PLA2G4F: variants seen among roughly 807,000 people sequenced by gnomAD.
PLA2G4F encodes cytosolic phospholipase A2 zeta.
In PLA2G4F, 105 loss-of-function variants were observed where a neutral mutation model predicts 103.1. The observed-to-expected ratio is 1.02, with a 90% confidence interval of 0.87 to 1.20. The LOEUF (loss-of-function observed/expected upper bound fraction) is 1.20. Among genes scored for constraint, PLA2G4F ranks in the 50% most tolerant of loss-of-function variants. The pLI is 0.00. For synonymous variants in PLA2G4F, 468 were observed against 441.1 expected (o/e 1.06, Z -0.76); for missense variants, 1,155 against 1,075.9 (o/e 1.07, Z -1.03).
At position 42,154,444 on chromosome 15, in the gene PLA2G4F, A is replaced by C. The variant is rs756648535; in HGVS notation, c.199T>G (p.Cys67Gly). 4 of 1,597,314 alleles carry C rather than the reference A, an allele frequency of 2.5e-6. No homozygotes were observed. In the African/African-American group the frequency reaches 5.4e-5, roughly 21 times the overall value. ...RGTDLLSKAD[C>G]YVQLWLPTAS... ...GTGGGCAGCCACAGTTGCACATAGC[A>C]GTCGGCTTTGGACACTGCAGGTAGG... The change falls in exon 3 of 20, where the codon TGC becomes GGC. Residue 67 changes from cysteine to glycine, a missense_variant. By Grantham distance (159) the Cys-to-Gly change is radical. This residue lies in a region of PLA2G4F where 370 missense variants were observed against 364.9 expected (regional missense o/e 1.01). Coordinates refer to ENST00000397272, the MANE Select transcript of PLA2G4F (RefSeq NM_213600.4).
intron 11 of PLA2G4F, chr15:42,148,894 CAG>C: frequency 1.0e-6 from 1 of 985,422 alleles, no homozygotes; most frequent in Non-Finnish European, 1.2e-6. Context: ...CTGGATGAGA[CAG>C]AGCAGACACC....
chr15:42,151,712 T>C (rs2048964256), intron 7 of PLA2G4F: 1 of 917,750 alleles, frequency 1.1e-6, no homozygotes, highest in Admixed American at 6.2e-5. Flanking sequence ...CCAAGGCCTA[T>C]GGACTGAGAT....
In PLA2G4F at chr15:42,139,930, T is replaced by C. The variant is rs2048814315; in HGVS notation, c.*2054A>G. The C allele has an allele frequency of 6.6e-6, 1 of 152,292 alleles. No homozygotes were observed. Among genetic ancestry groups the C allele is most frequent in the African/African-American group, 2.4e-5 (1 of 41,450 alleles). 9.4% of individuals were successfully genotyped at this position (152,292 alleles called of 1,614,324 possible). ...CTGCACAAGCCCACGTTTGCCTCCT[T>C]CACAAGCCTTGCTGGCCTGCGGGGA... On this transcript the variant is annotated 3_prime_UTR_variant, in exon 20 of 20. Transcript: ENST00000397272.
At chr15:42,143,937 C>T (rs1325974294) in intron 18 of PLA2G4F, 41 bp downstream of exon 18, 2 of 1,551,370 alleles carry the variant, frequency 1.3e-6, no homozygotes, top group Non-Finnish European at 1.8e-6. Flanking sequence ...TTTCTGTCCA[C>T]TCACTGCAGG....
chr15:42,153,404 CATA>C, intron 5 of PLA2G4F, 62 bp from the exon 6 acceptor site: 6 of 1,575,816 alleles, frequency 3.8e-6, no homozygotes, highest in Non-Finnish European at 4.4e-6. Context: ...CCTCTACAAT[CATA>C]ATGTGACTGA....
chr15:42,152,519 T>C (rs1296020028), intron 7 of PLA2G4F, among the ~76,000 whole-genome samples, 169 bp downstream of exon 7: 1 of 152,218 alleles, frequency 6.6e-6, no homozygotes, highest in Non-Finnish European at 1.5e-5. Flanking sequence ...CTCGAACACT[T>C]CCAGGGACAG....
At chr15:42,150,305 C>T in intron 9 of PLA2G4F, 68 bp downstream of exon 9, 1 of 1,542,964 alleles carries the variant, frequency 6.5e-7, no homozygotes, top group African/African-American at 1.4e-5. Flanking sequence ...TGGGTCCCTC[C>T]TCCAGACCTC....
At chr15:42,155,484 G>A in intron 2 of PLA2G4F, 33 bp downstream of exon 2, 1 of 1,609,958 alleles carries the variant, frequency 6.2e-7, no homozygotes, top group Non-Finnish European at 8.5e-7. Context: ...GCAGGGAAAG[G>A]ACAGAGAGAA....
Position 42,144,462 on chromosome 15 carries a change from C to T in PLA2G4F, c.1963G>A (p.Val655Met), listed in dbSNP as rs747399244. 1.6e-5 allele frequency: 26 copies of T among 1,612,062 alleles called. No homozygotes were observed. The highest frequency in any genetic ancestry group is 1.9e-5 in the Non-Finnish European group (23 of 1,180,022). The stretch of plus-strand genomic sequence containing the variant: ...AGGCAGCACCCACCTTTCCAGGCCA[C>T]GAACTCCCTGCCAGCCACATAGTCC... Reference protein sequence around the residue: ...HKDYVAGREFVAWKDTHPDAF... With the variant: ...HKDYVAGREFMAWKDTHPDAF... The change falls in exon 17 of 20, where the codon GTG becomes ATG. Residue 655 changes from valine (V) to methionine (M), a missense_variant. Physicochemically the swap from Val to Met is conservative, Grantham distance 21. This residue lies in a region of PLA2G4F where 782 missense variants were observed against 692.9 expected (regional missense o/e 1.13). Coordinates refer to ENST00000397272, the MANE Select transcript of PLA2G4F (RefSeq NM_213600.4).
rs1018638819 is a variant in PLA2G4F at position 42,146,021 on chromosome 15, G to A, written c.1534+106C>T. ...AAGCAGCAGCCCCGCTGTGCTCCAAGGTGCCTGTGTGCAACCACCTCCTCT... is the reference window on the plus strand; with the variant it reads ...AAGCAGCAGCCCCGCTGTGCTCCAAAGTGCCTGTGTGCAACCACCTCCTCT... On this transcript the variant is annotated intron_variant, in intron 14 of 19. Coordinates refer to ENST00000397272, the MANE Select transcript of PLA2G4F (RefSeq NM_213600.4). 19 of 1,585,060 alleles carry A rather than the reference G, an allele frequency of 1.2e-5. No homozygotes were observed. In the Admixed American group the frequency reaches 1.9e-4, roughly 16 times the overall value.
intron 10 of PLA2G4F, 33 bp from the exon 11 acceptor site, chr15:42,149,881 G>T (rs1288072208): frequency 3.1e-6 from 5 of 1,608,210 alleles, no homozygotes; most frequent in Admixed American, 3.3e-5. Context: ...GCGGTGGGGG[G>T]TTCTGGGTGA....
intron 12 of PLA2G4F, 46 bp from the exon 13 acceptor site, chr15:42,147,392 C>T (rs1169575133): frequency 1.4e-5 from 22 of 1,554,840 alleles, no homozygotes; most frequent in Non-Finnish European, 1.8e-5. Flanking sequence ...AGAGCACAGC[C>T]ACGGGAGAGA....
At chr15:42,147,833 T>C in intron 11 of PLA2G4F, 71 bp from the exon 12 acceptor site, 1 of 1,578,922 alleles carries the variant, frequency 6.3e-7, no homozygotes, top group Non-Finnish European at 8.6e-7. Flanking sequence ...CCTATACATG[T>C]AGGACATTAT....
At chr15:42,154,626 T>C in intron 2 of PLA2G4F, 168 bp from the exon 3 acceptor site, 1 of 679,910 alleles carries the variant, frequency 1.5e-6, no homozygotes, top group African/African-American at 1.8e-5. Flanking sequence ...TTTCACTCCA[T>C]CTTGATTCCA....
In PLA2G4F at chr15:42,144,450, C is replaced by A; in HGVS notation, c.1975G>T (p.Asp659Tyr). 1.2e-6 allele frequency: 2 copies of A among 1,612,118 alleles called. No homozygotes were observed. Among genetic ancestry groups the A allele is most frequent in the Non-Finnish European group, 1.7e-6 (2 of 1,179,970 alleles). ...ATCTCCCACCCAAGGCAGCACCCAC[C>A]TTTCCAGGCCACGAACTCCCTGCCA... is the stretch of plus-strand genomic sequence containing the variant. ...VAGREFVAWK[D>Y]THPDAFPNQL... Residue 659 changes from aspartate to tyrosine, a missense_variant and splice_region_variant, in exon 17 of 20, where the codon GAC becomes TAC. Physicochemically the swap from Asp to Tyr is radical, Grantham distance 160. Transcript: ENST00000397272.
intron 2 of PLA2G4F, among the ~76,000 whole-genome samples, chr15:42,154,816 C>T (rs974502497): frequency 6.6e-6 from 1 of 152,142 alleles, no homozygotes; most frequent in Admixed American, 6.5e-5. Flanking sequence ...CAGCGGGCCT[C>T]ACACTGTCAC....
At chr15:42,151,397 G>A (rs2048961019) in intron 7 of PLA2G4F, 35 of 985,172 alleles carry the variant, frequency 3.6e-5, no homozygotes, top group Non-Finnish European at 3.6e-5. Flanking sequence ...TGTGGGCTCC[G>A]GAGCTCCCTG....
rs1453664385 is a variant in PLA2G4F at position 42,142,089 on chromosome 15, C to G, written c.2445G>C (p.Leu815=). Residue 815 remains leucine (L), a synonymous_variant, in exon 20 of 20, where the codon CTG becomes CTC. Transcript: ENST00000397272. ...GGACGTTGTATCGACTGAGGGCCAC[C>G]AGCCGATAAAAGTCCTGGGGCTCAT... is the stretch of plus-strand genomic sequence containing the variant. The part of the protein sequence containing the change: ...FTYEPQDFYR[L]VALSRYNVLN... The G allele has an allele frequency of 1.9e-6, 3 of 1,614,228 alleles. No individual in the cohort carries two copies. The highest frequency in any genetic ancestry group is 4.5e-5 in the East Asian group (2 of 44,880).
rs556533451 is a variant in PLA2G4F, at chr15:42,139,200, G to A, written c.*2784C>T. The A allele has an allele frequency of 3.4e-4, 52 of 153,944 alleles. No individual in the cohort carries two copies. Among genetic ancestry groups the A allele is most frequent in the African/African-American group, 1.2e-3 (50 of 41,510 alleles). 9.5% of individuals were successfully genotyped at this position (153,944 alleles called of 1,614,324 possible). The stretch of plus-strand genomic sequence containing the variant: ...GTTCCCCTTTCAGGGAAGGTCATGG[G>A]CGTAGATGATCAAAGGTCAGTTCCT... On this transcript the variant is annotated 3_prime_UTR_variant, in exon 20 of 20. Coordinates refer to ENST00000397272, the MANE Select transcript of PLA2G4F (RefSeq NM_213600.4).
Sources: allele counts gnomAD v4.1 joint callset (sites outside exome capture counted in the v4.1 genomes callset), GRCh38; gene constraint gnomAD v4.1.1; regional missense constraint gnomAD v4.1.1; transcripts MANE v1.5; gene names NCBI Gene and HGNC (gene_info 2026-07-23, HGNC 2026-07-21).